ACYP2: variants seen among roughly 807,000 people sequenced by gnomAD.
ACYP2 encodes acylphosphatase-2.
A neutral mutation model predicts 11.2 loss-of-function variants in ACYP2; 12 were observed. The observed-to-expected ratio is 1.08, with a 90% CI of 0.69 to 1.74. ACYP2 has a LOEUF of 1.74. ACYP2 is among the 40% of genes most tolerant of loss of function. ACYP2 has a pLI of 0.00. For missense variants in ACYP2, 134 were observed against 101.9 expected, an observed-to-expected ratio of 1.31 and a Z score of -1.35; for synonymous variants, 43 against 32.2, an observed-to-expected ratio of 1.33 and a Z score of -1.13.
At chr2:54,012,338 C>T (rs1673420691) in intron 2 of ACYP2, among the ~76,000 whole-genome samples, 2 of 151,870 alleles carry the variant, frequency 1.3e-5, no homozygotes, top group South Asian at 4.2e-4. Flanking sequence ...AGACCTCGCT[C>T]CTATCTACTA....
chr2:54,247,926 T>C (rs554898136), intron 6 of ACYP2, among the ~76,000 whole-genome samples: 19 of 152,348 alleles, frequency 1.2e-4, no homozygotes, highest in African/African-American at 4.6e-4. Context: ...AGAAATACTT[T>C]GTACAGTTAT....
chr2:54,118,374 G>A (rs929123946), intron 4 of ACYP2, among the ~76,000 whole-genome samples: 8 of 152,240 alleles, frequency 5.3e-5, no homozygotes, highest in African/African-American at 1.9e-4. Context: ...GTGTGAATGT[G>A]TGACATTTAT....
intron 4 of ACYP2, among the ~76,000 whole-genome samples, chr2:54,125,031 G>C (rs1234334452): frequency 2.0e-5 from 3 of 152,024 alleles, no homozygotes; most frequent in African/African-American, 7.2e-5. Flanking sequence ...GGGATTACAG[G>C]CATGAGCCAC....
At chr2:54,125,857 A>G (rs931230598) in intron 4 of ACYP2, among the ~76,000 whole-genome samples, 1 of 152,058 alleles carries the variant, frequency 6.6e-6, no homozygotes, top group African/African-American at 2.4e-5. Flanking sequence ...CGAGGTGGGC[A>G]ATCACTTGAG....
At chr2:54,041,376 A>G (rs1268421896) in intron 2 of ACYP2, among the ~76,000 whole-genome samples, 2 of 152,136 alleles carry the variant, frequency 1.3e-5, no homozygotes, top group Admixed American at 1.3e-4. Context: ...TTCTCAGTGA[A>G]ATAGGAAGCA....
intron 6 of ACYP2, among the ~76,000 whole-genome samples, chr2:54,282,448 A>C (rs576111836): frequency 2.6e-5 from 4 of 152,302 alleles, no homozygotes; most frequent in African/African-American, 9.6e-5. Context: ...CCTTGTGGTC[A>C]TATGTCAAGA....
intron 2 of ACYP2, among the ~76,000 whole-genome samples, chr2:54,028,786 C>T (rs191944094): frequency 2.6e-4 from 40 of 152,292 alleles, no homozygotes; most frequent in African/African-American, 9.1e-4. Flanking sequence ...GGGCATATAA[C>T]CATCTGTAGT....
At chr2:54,265,167 G>C in intron 6 of ACYP2, among the ~76,000 whole-genome samples, 1 of 152,114 alleles carries the variant, frequency 6.6e-6, no homozygotes, top group East Asian at 1.9e-4. Context: ...TAAAGACATA[G>C]CTGAGACTGG....
At chr2:54,035,251 T>C (rs1674826801) in intron 2 of ACYP2, among the ~76,000 whole-genome samples, 2 of 146,632 alleles carry the variant, frequency 1.4e-5, no homozygotes, top group South Asian at 4.3e-4. Flanking sequence ...TAGAGACAAT[T>C]TCTTTTTCTT....
At chr2:54,079,469 C>T (rs576767049) in intron 4 of ACYP2, among the ~76,000 whole-genome samples, 2 of 152,324 alleles carry the variant, frequency 1.3e-5, no homozygotes, top group South Asian at 4.1e-4. Context: ...GAGAAACCAG[C>T]TGTCCCTCTC....
intron 4 of ACYP2, among the ~76,000 whole-genome samples, chr2:54,087,182 T>G (rs1311836206): frequency 6.6e-6 from 1 of 152,200 alleles, no homozygotes; most frequent in African/African-American, 2.4e-5. Flanking sequence ...AACAAAGCAT[T>G]TGAAAATTAT....
At chr2:54,298,493 A>G (rs768800514) in intron 6 of ACYP2, among the ~76,000 whole-genome samples, 3 of 152,254 alleles carry the variant, frequency 2.0e-5, no homozygotes, top group Non-Finnish European at 4.4e-5. Context: ...AACGGGAGAT[A>G]AAGCTACAGC....
chr2:54,064,620 G>T (rs1401934054), intron 4 of ACYP2, among the ~76,000 whole-genome samples: 1 of 152,160 alleles, frequency 6.6e-6, no homozygotes, highest in Non-Finnish European at 1.5e-5. Flanking sequence ...GTACACCGTG[G>T]TAACTAAAAA....
intron 4 of ACYP2, among the ~76,000 whole-genome samples, chr2:54,119,771 T>G (rs539247411): frequency 6.6e-6 from 1 of 152,238 alleles, no homozygotes; most frequent in Non-Finnish European, 1.5e-5. Flanking sequence ...AAGTCCTTAC[T>G]TTTTTCAAGG....
chr2:54,157,888 C>T (rs1682505437), intron 6 of ACYP2, among the ~76,000 whole-genome samples: 1 of 152,196 alleles, frequency 6.6e-6, no homozygotes, highest in African/African-American at 2.4e-5. Context: ...GCAGAGGCAA[C>T]AGCAAACAGC....
At chr2:54,124,506 C>A (rs1357010745) in intron 4 of ACYP2, among the ~76,000 whole-genome samples, 1 of 152,022 alleles carries the variant, frequency 6.6e-6, no homozygotes, top group East Asian at 1.9e-4. Context: ...CATATTGAAT[C>A]TTTTCTATAT....
At chr2:54,118,579 A>G (rs1029843306) in intron 4 of ACYP2, among the ~76,000 whole-genome samples, 1 of 152,270 alleles carries the variant, frequency 6.6e-6, no homozygotes, top group Non-Finnish European at 1.5e-5. Context: ...CTTTCCCATT[A>G]TAAGATGTTA....
intron 4 of ACYP2, among the ~76,000 whole-genome samples, chr2:54,067,796 A>G (rs1676820128): frequency 1.3e-5 from 2 of 152,228 alleles, no homozygotes; most frequent in African/African-American, 4.8e-5. Context: ...ATAACAAAAC[A>G]ATAGATAATT....
intron 4 of ACYP2, among the ~76,000 whole-genome samples, chr2:54,128,291 A>G (rs780203053): frequency 6.6e-5 from 10 of 152,220 alleles, no homozygotes; most frequent in African/African-American, 1.9e-4. Flanking sequence ...ATAGTTCATC[A>G]TTTAACGTGT....
Sources: gnomAD v4.1 joint callset for allele counts (sites outside exome capture counted in the v4.1 genomes callset) on GRCh38, gnomAD v4.1.1 for gene constraint, MANE v1.5 for transcripts, NCBI Gene and HGNC (gene_info 2026-07-23, HGNC 2026-07-21) for gene names.